Variants in SSH2 observed in about 807,000 individuals in gnomAD.
The protein encoded by SSH2 is slingshot protein phosphatase 2, also known as protein phosphatase Slingshot homolog 2.
SSH2 carries 37 observed loss-of-function variants against 135.2 expected under a neutral mutation model. The observed-to-expected ratio is 0.27, with a 90% CI of 0.21 to 0.36. The LOEUF (loss-of-function observed/expected upper bound fraction) is 0.36. Ranked by LOEUF, SSH2 falls within the 10% of genes least tolerant of loss-of-function variation. The pLI, the probability that SSH2 is intolerant of heterozygous loss-of-function variation, is 1.00. For synonymous variants in SSH2, 628 were observed against 646.2 expected (o/e 0.97, Z 0.43); for missense variants, 1,408 against 1,765.3 (o/e 0.80, Z 3.63).
chr17:29,795,236 G>A (rs1055230039), intron 2 of SSH2, among the ~76,000 whole-genome samples: 3 of 152,178 alleles, frequency 2.0e-5, no homozygotes, highest in Non-Finnish European at 4.4e-5. Flanking sequence ...AGAGACCAAG[G>A]AAGCACGTTG....
At chr17:29,894,081 A>G (rs561678141) in intron 1 of SSH2, among the ~76,000 whole-genome samples, 7 of 151,986 alleles carry the variant, frequency 4.6e-5, no homozygotes, top group Non-Finnish European at 8.8e-5. Flanking sequence ...TCATATCCTC[A>G]TGGCTTCAGT....
At chr17:29,921,572 G>A (rs2066976758) in intron 1 of SSH2, among the ~76,000 whole-genome samples, 1 of 151,982 alleles carries the variant, frequency 6.6e-6, no homozygotes, top group Non-Finnish European at 1.5e-5. Context: ...ATTGATCCAT[G>A]TGTCAAATAC....
rs140038054 is a variant in SSH2 at position 29,798,480 on chromosome 17, G to A, written c.145-4543C>T. Among the ~76,000 whole-genome samples, 14 of 152,220 alleles carry A rather than the reference G, an allele frequency of 9.2e-5. No homozygotes were observed. The East Asian group carries it at 2.7e-3, about 29-fold the overall frequency. ...CTCAATCTTTTATATTTTAAAGAAT[G>A]TCTCTTTAAAGATATCAATAGGCCA... On this transcript the variant is annotated intron_variant, in intron 2 of 15. Coordinates refer to ENST00000540801, the MANE Select transcript of SSH2 (RefSeq NM_001282129.2).
chr17:29,929,882 G>T, intron 1 of SSH2, 56 bp downstream of exon 1: 1 of 1,501,272 alleles, frequency 6.7e-7, no homozygotes. Flanking sequence ...ACCCGCTGAG[G>T]CAAAGCGGAG....
intron 2 of SSH2, among the ~76,000 whole-genome samples, chr17:29,824,123 C>T (rs923127319): frequency 6.6e-6 from 1 of 152,040 alleles, no homozygotes; most frequent in African/African-American, 2.4e-5. Context: ...CTGAGGAACC[C>T]ACAACATCTC....
intron 14 of SSH2, among the ~76,000 whole-genome samples, chr17:29,642,247 C>G (rs772483491): frequency 8.5e-5 from 13 of 152,120 alleles, no homozygotes; most frequent in Non-Finnish European, 1.5e-4. Context: ...AGTGTCTCCA[C>G]CAGCAAAGCC....
chr17:29,889,359 T>A (rs1361821925), intron 1 of SSH2, among the ~76,000 whole-genome samples: 1 of 152,032 alleles, frequency 6.6e-6, no homozygotes, highest in East Asian at 1.9e-4. Flanking sequence ...GGCAGAAGAA[T>A]TGCTTGAACC....
intron 3 of SSH2, among the ~76,000 whole-genome samples, chr17:29,780,747 AG>A (rs2041822334): frequency 6.6e-6 from 1 of 150,792 alleles, no homozygotes; most frequent in Non-Finnish European, 1.5e-5. Flanking sequence ...AAGATAAAAA[AG>A]ATGAGGATTA....
rs772964859 is a variant in SSH2, at chr17:29,631,090, C to A, written c.4104G>T (p.Arg1368Ser). 3.1e-6 allele frequency: 5 copies of A among 1,614,198 alleles called. No individual in the cohort carries two copies. The highest frequency in any genetic ancestry group is 1.1e-5 in the South Asian group (1 of 91,086). ...ECIVQSKPVERPLVQYAKEFG... is the reference protein window; with the variant it reads ...ECIVQSKPVESPLVQYAKEFG... ...ATTCTTTGGCATACTGCACAAGGGG[C>A]CTCTCCACTGGCTTGCTCTGCACAA... Residue 1368 changes from arginine (R) to serine (S), a missense_variant, in exon 16 of 16, where the codon AGG (arginine) becomes AGT (serine). By Grantham distance (110) the Arg-to-Ser change is moderately radical. Coordinates refer to ENST00000540801, the MANE Select transcript of SSH2 (RefSeq NM_001282129.2).
At chr17:29,775,530 A>G (rs893594388) in intron 3 of SSH2, among the ~76,000 whole-genome samples, 1 of 152,208 alleles carries the variant, frequency 6.6e-6, no homozygotes, top group African/African-American at 2.4e-5. Flanking sequence ...TTTTCTTTTA[A>G]TCAGTGAGGA....
chr17:29,643,129 T>C (rs896064709), intron 14 of SSH2: 1 of 985,438 alleles, frequency 1.0e-6, no homozygotes, highest in Non-Finnish European at 1.2e-6. Context: ...TAGAGCTTCA[T>C]ACAGTCATAG....
intron 1 of SSH2, among the ~76,000 whole-genome samples, chr17:29,869,771 A>G (rs1328701897): frequency 6.6e-6 from 1 of 152,212 alleles, no homozygotes; most frequent in Admixed American, 6.5e-5. Context: ...TTTTCTCATA[A>G]ACCATATGAA....
At chr17:29,672,828 C>A (rs776971045) in intron 8 of SSH2, among the ~76,000 whole-genome samples, 5 of 152,162 alleles carry the variant, frequency 3.3e-5, no homozygotes, top group Middle Eastern at 3.4e-3. Context: ...CTCAGCCTCC[C>A]GAGTAGTAGC....
At chr17:29,849,631 T>C (rs531528690) in intron 1 of SSH2, among the ~76,000 whole-genome samples, 1 of 151,782 alleles carries the variant, frequency 6.6e-6, no homozygotes, top group East Asian at 1.9e-4. Context: ...CTATAGAATA[T>C]AGCATAGGGC....
chr17:29,760,253 C>G (rs1380498572), intron 3 of SSH2, among the ~76,000 whole-genome samples: 1 of 152,138 alleles, frequency 6.6e-6, no homozygotes, highest in Non-Finnish European at 1.5e-5. Context: ...GGGAGGGAGA[C>G]AGTAGCTTTG....
Position 29,848,835 on chromosome 17 carries a change from A to G in SSH2, c.144+14T>C. On this transcript the variant is annotated intron_variant, in intron 2 of 15. Transcript: ENST00000540801. ...GAATCACCAAAGTCTGTATAAAAAC[A>G]TATACCTACGTACATTGGAATCAGT... 1 of 1,498,152 alleles carries G rather than the reference A, an allele frequency of 6.7e-7. No individual in the cohort carries two copies. Among genetic ancestry groups the G allele is most frequent in the South Asian group, 1.2e-5 (1 of 82,590 alleles). 92.8% of individuals were successfully genotyped at this position (1,498,152 alleles called of 1,614,324 possible). A position where few individuals can be genotyped will look rare whatever the true frequency, so the allele number is the denominator to read the frequency against.
intron 1 of SSH2, among the ~76,000 whole-genome samples, chr17:29,899,570 A>G (rs2066508205): frequency 6.6e-6 from 1 of 152,184 alleles, no homozygotes; most frequent in Non-Finnish European, 1.5e-5. Flanking sequence ...TCCAACTTAC[A>G]AGGGATGTGA....
chr17:29,796,218 T>A (rs1167362535), intron 2 of SSH2, among the ~76,000 whole-genome samples: 5 of 152,230 alleles, frequency 3.3e-5, no homozygotes, highest in Non-Finnish European at 7.3e-5. Context: ...ATTATGTGAC[T>A]ACTATCCCAG....
At chr17:29,859,452 C>T (rs2065722363) in intron 1 of SSH2, among the ~76,000 whole-genome samples, 1 of 152,134 alleles carries the variant, frequency 6.6e-6, no homozygotes, top group South Asian at 2.1e-4. Flanking sequence ...TCTTTGCACC[C>T]TCCACTCTCT....
Sources: gnomAD v4.1 joint callset for allele counts (sites outside exome capture counted in the v4.1 genomes callset) on GRCh38, gnomAD v4.1.1 for gene constraint, MANE v1.5 for transcripts, NCBI Gene and HGNC (gene_info 2026-07-23, HGNC 2026-07-21) for gene names.